Variants in EYS observed in about 807,000 individuals in gnomAD.
The protein encoded by EYS is EGF-like photoreceptor maintenance factor.
In EYS, 250 loss-of-function variants were observed where a neutral mutation model predicts 282.1. That is an observed-to-expected ratio of 0.89 (90% CI 0.80 to 0.98). The LOEUF is 0.98. Among genes scored for constraint, EYS ranks in the 50% least tolerant of loss-of-function variants. The pLI is 0.00. For synonymous variants in EYS, 1,355 were observed against 1,282.9 expected, an observed-to-expected ratio of 1.06 and a Z score of -1.20; for missense variants, 4,016 against 3,709.0, an observed-to-expected ratio of 1.08 and a Z score of -2.15.
intron 31 of EYS, among the ~76,000 whole-genome samples, chr6:64,194,286 AC>A (rs74813085): frequency 0.31 from 46,686 of 151,876 alleles, 7,236 homozygotes; most frequent in East Asian, 0.5. Context: ...ATTAATTATT[AC>A]CTTTTAATTT....
At chr6:65,609,673 A>G (rs1370523692) in intron 2 of EYS, among the ~76,000 whole-genome samples, 1 of 152,162 alleles carries the variant, frequency 6.6e-6, no homozygotes, top group Non-Finnish European at 1.5e-5. Flanking sequence ...TGGAAATTCA[A>G]GTTCATATTT....
intron 35 of EYS, among the ~76,000 whole-genome samples, chr6:63,971,398 T>C (rs2149783702): frequency 6.6e-6 from 1 of 152,322 alleles, no homozygotes; most frequent in East Asian, 1.9e-4. Flanking sequence ...TCAATATATT[T>C]AATTCAGCAT....
intron 30 of EYS, among the ~76,000 whole-genome samples, chr6:64,254,820 A>G (rs1767337265): frequency 6.6e-6 from 1 of 152,108 alleles, no homozygotes; most frequent in Non-Finnish European, 1.5e-5. Context: ...CTGTCAATAC[A>G]CTTGCCTTTG....
chr6:65,115,618 A>C (rs572178669), intron 12 of EYS, among the ~76,000 whole-genome samples: 1 of 152,236 alleles, frequency 6.6e-6, no homozygotes, highest in South Asian at 2.1e-4. Flanking sequence ...AGATAATACT[A>C]ATACCAATTA....
At chr6:65,691,720 A>C (rs1337987711) in intron 1 of EYS, among the ~76,000 whole-genome samples, 1 of 150,424 alleles carries the variant, frequency 6.6e-6, no homozygotes, top group Non-Finnish European at 1.5e-5. Context: ...TTTAGGTCTT[A>C]CATTTAAGTT....
chr6:65,402,250 AC>A (rs1309548093), intron 7 of EYS, among the ~76,000 whole-genome samples: 3 of 151,836 alleles, frequency 2.0e-5, no homozygotes, highest in African/African-American at 7.2e-5. Flanking sequence ...ATAACCGTAT[AC>A]CTAAATTATG....
intron 22 of EYS, among the ~76,000 whole-genome samples, chr6:64,681,859 A>AT (rs1179717459): frequency 6.6e-6 from 1 of 152,192 alleles, no homozygotes; most frequent in African/African-American, 2.4e-5. Context: ...GCAGTTAATC[A>AT]TTCTTTTACA....
intron 35 of EYS, among the ~76,000 whole-genome samples, chr6:63,956,233 T>G (rs752912093): frequency 2.6e-5 from 4 of 152,168 alleles, no homozygotes; most frequent in Admixed American, 2.0e-4. Flanking sequence ...ACAAAAGAAG[T>G]GAAAATGCCT....
At chr6:65,140,732 C>T (rs10944781) in intron 12 of EYS, among the ~76,000 whole-genome samples, 18,024 of 152,008 alleles carry the variant, frequency 0.12, 1,372 homozygotes, top group African/African-American at 0.21. Flanking sequence ...CCAAAAGACA[C>T]GTGAAAAAAC....
Position 63,788,260 on chromosome 6 carries a change from G to GA in EYS, c.7579-12dup, listed in dbSNP as rs752462530. On this transcript the variant is annotated splice_polypyrimidine_tract_variant and intron_variant, in intron 38 of 42. Transcript: ENST00000503581. ...TTTATGATCATCTACCTTCGAAAGG[G>GA]AAAAAAAACCTATTAAAAAAGGAAT... 8.7e-5 allele frequency: 131 copies of GA among 1,511,564 alleles called. 1 individual carries two copies. Among genetic ancestry groups the GA allele is most frequent in the Admixed American group, 1.2e-4 (5 of 40,256 alleles). 93.6% of individuals were successfully genotyped at this position (1,511,564 alleles called of 1,614,324 possible).
chr6:65,440,854 T>TAG (rs1314230108), intron 5 of EYS, among the ~76,000 whole-genome samples: 2 of 147,022 alleles, frequency 1.4e-5, no homozygotes, highest in Middle Eastern at 3.6e-3. Flanking sequence ...TGTATATATA[T>TAG]ATATATAGAT....
At chr6:65,607,635 A>C (rs1765845752) in intron 2 of EYS, among the ~76,000 whole-genome samples, 1 of 59,186 alleles carries the variant, frequency 1.7e-5, no homozygotes. Context: ...GCGTACCTTC[A>C]AATATGCAGT....
chr6:65,365,676 G>A (rs1239546670), intron 8 of EYS, among the ~76,000 whole-genome samples: 1 of 151,608 alleles, frequency 6.6e-6, no homozygotes, highest in Non-Finnish European at 1.5e-5. Flanking sequence ...CTTTCAATGA[G>A]CTGTACTAGT....
intron 31 of EYS, among the ~76,000 whole-genome samples, chr6:64,136,517 T>C (rs759689594): frequency 6.6e-6 from 1 of 152,286 alleles, no homozygotes; most frequent in Admixed American, 6.5e-5. Context: ...TTACAAAATG[T>C]ATTTCTTAAA....
chr6:65,660,705 G>T (rs1439033381), intron 1 of EYS, among the ~76,000 whole-genome samples: 2 of 151,740 alleles, frequency 1.3e-5, no homozygotes, highest in Non-Finnish European at 3.0e-5. Flanking sequence ...ACAGACATAT[G>T]CAATGCTTAC....
chr6:65,324,914 A>G (rs1769577686), intron 11 of EYS, among the ~76,000 whole-genome samples: 1 of 152,230 alleles, frequency 6.6e-6, no homozygotes, highest in African/African-American at 2.4e-5. Context: ...TCTGGGATTA[A>G]AGTGACAAAG....
chr6:65,384,419 T>G lies in EYS; in HGVS notation c.1266A>C (p.Glu422Asp). Residue 422 changes from glutamate to aspartate, a missense_variant, in exon 8 of 43, where the codon GAA becomes GAC. By Grantham distance (45) the Glu-to-Asp change is conservative (BLOSUM62 2). Coordinates refer to ENST00000503581, the MANE Select transcript of EYS (RefSeq NM_001142800.2). ...CKLLSINCLN[E>D]EWCFNIIGRF... The stretch of plus-strand genomic sequence containing the variant: ...TTCCAATTATATTGAAACACCATTC[T>G]TCATTCAGACAGTTGATGCTGAGCA... 2 of 1,608,516 alleles carry G rather than the reference T, an allele frequency of 1.2e-6. No individual in the cohort carries two copies. The highest frequency in any genetic ancestry group is 1.7e-6 in the Non-Finnish European group (2 of 1,176,754).
rs1028539228 is a variant in EYS at position 64,617,445 on chromosome 6, C to T, written c.3657G>A (p.Ser1219=). 2.6e-6 allele frequency: 4 copies of T among 1,550,164 alleles called. No homozygotes were observed. Among genetic ancestry groups the T allele is most frequent in the Non-Finnish European group, 3.5e-6 (4 of 1,145,936 alleles). Residue 1219 remains serine (S), a synonymous_variant, in exon 24 of 43, where the codon TCG becomes TCA. Transcript: ENST00000503581. The part of the protein sequence containing the change: ...HELCMENEPG[S]TCLCTPGFMT... Reference sequence around the variant, plus strand: ...TAAATCCAGGTGTGCATAAACATGTCGAGCCAGGTTCATTCTCCATGCAGA... The same window carrying T: ...TAAATCCAGGTGTGCATAAACATGTTGAGCCAGGTTCATTCTCCATGCAGA...
At chr6:65,593,746 G>A (rs1280621201) in intron 2 of EYS, among the ~76,000 whole-genome samples, 1 of 151,758 alleles carries the variant, frequency 6.6e-6, no homozygotes. Flanking sequence ...GAGGTCATTA[G>A]TACTCTAATT....
Sources: allele counts gnomAD v4.1 joint callset (sites outside exome capture counted in the v4.1 genomes callset), GRCh38; gene constraint gnomAD v4.1.1; transcripts MANE v1.5; gene names NCBI Gene and HGNC (gene_info 2026-07-23, HGNC 2026-07-21).